Variants in CACNA2D1 observed in about 807,000 individuals in gnomAD.
The protein encoded by CACNA2D1 is calcium voltage-gated channel auxiliary subunit alpha2delta 1.
Under a neutral mutation model 171.5 loss-of-function variants are expected in CACNA2D1, and 53 were observed. That is an observed-to-expected ratio of 0.31 (90% CI 0.25 to 0.39). The LOEUF (loss-of-function observed/expected upper bound fraction) is 0.39, where lower values mean the gene tolerates loss of function less well. Among genes scored for constraint, CACNA2D1 ranks in the 10% least tolerant of loss-of-function variants. The pLI, the probability that CACNA2D1 is intolerant of heterozygous loss-of-function variation, is 1.00. For missense variants in CACNA2D1, 903 were observed against 1,299.8 expected (o/e 0.69, Z 4.69); for synonymous variants, 442 against 443.1 (o/e 1.00, Z 0.03).
intron 24 of CACNA2D1, among the ~76,000 whole-genome samples, chr7:81,978,746 A>T (rs977556010): frequency 1.2e-3 from 64 of 51,374 alleles, no homozygotes; most frequent in African/African-American, 3.0e-3. Context: ...AATTTTTTTT[A>T]AAAAGTGTAT....
In CACNA2D1 at chr7:82,033,963, T is replaced by C. The variant is rs553460231; in HGVS notation, c.1039-1062A>G. ...AAAGAAATATAACATGAGCCTCATA[T>C]GGAACTTTAAATTTTCTAATAACTA... On this transcript the variant is annotated intron_variant, in intron 11 of 38. Transcript: ENST00000356860. Among the ~76,000 whole-genome samples, 4 of 152,212 alleles carry C rather than the reference T, an allele frequency of 2.6e-5. No individual in the cohort carries two copies. In the South Asian group the frequency reaches 8.3e-4, roughly 32 times the overall value.
At chr7:82,090,903 G>A (rs1048698061) in intron 6 of CACNA2D1, among the ~76,000 whole-genome samples, 7 of 151,868 alleles carry the variant, frequency 4.6e-5, no homozygotes, top group Admixed American at 1.3e-4. Context: ...TATAAATAAG[G>A]TAGTCATTTA....
chr7:81,978,787 T>A (rs1326531618), intron 24 of CACNA2D1, among the ~76,000 whole-genome samples: 1 of 132,716 alleles, frequency 7.5e-6, no homozygotes, highest in East Asian at 2.2e-4. Context: ...ACACACACAC[T>A]GTTCAAAACA....
chr7:82,139,038 TC>T (rs1792044219), intron 4 of CACNA2D1, among the ~76,000 whole-genome samples: 1 of 152,126 alleles, frequency 6.6e-6, no homozygotes, highest in Non-Finnish European at 1.5e-5. Context: ...TTCAAGCAGT[TC>T]AACATCGTCA....
At chr7:82,385,571 T>A (rs1485526270) in intron 1 of CACNA2D1, among the ~76,000 whole-genome samples, 2 of 152,182 alleles carry the variant, frequency 1.3e-5, no homozygotes, top group East Asian at 3.9e-4. Context: ...TTTTTGCAAA[T>A]GTATTTTTGG....
At position 81,971,481 on chromosome 7, in the gene CACNA2D1, A is replaced by G. The variant is rs191914250; in HGVS notation, c.2141+296T>C. On this transcript the variant is annotated intron_variant, in intron 26 of 38. Coordinates refer to ENST00000356860, the MANE Select transcript of CACNA2D1 (RefSeq NM_000722.4). ...GTAATGCTATTAGAAACCCAAATAA[A>G]CACTGACTAGAAATCCTACTTTAGC... Among the ~76,000 whole-genome samples the G allele has an allele frequency of 1.6e-4, 24 of 151,758 alleles. No individual in the cohort carries two copies. The East Asian group carries it at 4.7e-3, about 29-fold the overall frequency.
intron 1 of CACNA2D1, among the ~76,000 whole-genome samples, chr7:82,379,558 G>A (rs142998477): frequency 3.5e-4 from 53 of 152,194 alleles, no homozygotes; most frequent in East Asian, 9.7e-4. Context: ...TTAGGAAAAC[G>A]TGGTCTGTGT....
At chr7:82,102,076 G>C (rs532982620) in intron 6 of CACNA2D1, among the ~76,000 whole-genome samples, 4 of 152,124 alleles carry the variant, frequency 2.6e-5, no homozygotes, top group African/African-American at 7.2e-5. Context: ...CCTCCTAAGA[G>C]AGTAAGCTGT....
intron 3 of CACNA2D1, among the ~76,000 whole-genome samples, chr7:82,287,198 C>T (rs1380740886): frequency 4.6e-5 from 7 of 152,102 alleles, no homozygotes; most frequent in Non-Finnish European, 7.4e-5. Context: ...TGCACAGTCC[C>T]TGACATACAA....
intron 9 of CACNA2D1, among the ~76,000 whole-genome samples, chr7:82,063,743 A>C (rs2367904): frequency 1.1e-3 from 173 of 152,262 alleles, no homozygotes; most frequent in African/African-American, 3.8e-3. Context: ...ATTAGAAAAC[A>C]TGTACACTTG....
At chr7:82,027,631 G>A (rs956710943) in intron 12 of CACNA2D1, 1 of 151,646 alleles carries the variant, frequency 6.6e-6, no homozygotes, top group Non-Finnish European at 1.5e-5. Flanking sequence ...ATTTTATCAT[G>A]GTTCTTTGTT....
At chr7:82,206,892 A>G (rs1439820007) in intron 3 of CACNA2D1, among the ~76,000 whole-genome samples, 1 of 152,232 alleles carries the variant, frequency 6.6e-6, no homozygotes, top group African/African-American at 2.4e-5. Context: ...TATTCTTTAG[A>G]GAATAAACAT....
intron 20 of CACNA2D1, among the ~76,000 whole-genome samples, chr7:81,992,641 A>C (rs1797665129): frequency 6.6e-6 from 1 of 152,208 alleles, no homozygotes; most frequent in Non-Finnish European, 1.5e-5. Flanking sequence ...ATAAAAATGT[A>C]AGTTTTTTCA....
At chr7:82,413,619 T>C (rs948659485) in intron 1 of CACNA2D1, among the ~76,000 whole-genome samples, 3 of 152,234 alleles carry the variant, frequency 2.0e-5, no homozygotes, top group Non-Finnish European at 2.9e-5. Flanking sequence ...GAGTCTTAAT[T>C]GCAGTCAAAT....
intron 3 of CACNA2D1, among the ~76,000 whole-genome samples, chr7:82,174,042 C>CAAAAAAAAAAAAA (rs71093365): frequency 2.2e-5 from 1 of 45,644 alleles, no homozygotes; most frequent in Non-Finnish European, 3.9e-5. Context: ...GACCCTGTCT[C>CAAAAAAAAAAAAA]AAAAAAAAAA....
In CACNA2D1 at chr7:81,968,549, T is replaced by A. The variant is rs918500451; in HGVS notation, c.2395+338A>T. On this transcript the variant is annotated intron_variant, in intron 29 of 38. Transcript: ENST00000356860. Reference sequence around the variant, plus strand: ...GTAACTCCTTGGCCATATAACTTTGTACGTATTTTAAAGTATTAAGAGAGA... The same window carrying A: ...GTAACTCCTTGGCCATATAACTTTGAACGTATTTTAAAGTATTAAGAGAGA... Among the ~76,000 whole-genome samples the A allele has an allele frequency of 7.9e-5, 12 of 151,296 alleles. No homozygotes were observed. In the Admixed American group the frequency reaches 7.9e-4, roughly 10 times the overall value.
At chr7:82,066,958 T>G (rs539991329) in intron 7 of CACNA2D1, among the ~76,000 whole-genome samples, 1 of 152,250 alleles carries the variant, frequency 6.6e-6, no homozygotes, top group South Asian at 2.1e-4. Flanking sequence ...TGGGTTTTTA[T>G]GTAATAGCAT....
chr7:81,957,292 ATGTACATGCCAT>A (rs1793515373), intron 38 of CACNA2D1, among the ~76,000 whole-genome samples: 1 of 152,156 alleles, frequency 6.6e-6, no homozygotes, highest in Non-Finnish European at 1.5e-5. Flanking sequence ...AGGATTAGAA[ATGTACATGCCAT>A]TTGAAATCAG....
At chr7:82,181,924 C>G (rs1400557014) in intron 3 of CACNA2D1, among the ~76,000 whole-genome samples, 1 of 152,108 alleles carries the variant, frequency 6.6e-6, no homozygotes, top group African/African-American at 2.4e-5. Flanking sequence ...TTATTACAAT[C>G]AAATGTATAT....
Sources: allele counts gnomAD v4.1 joint callset (sites outside exome capture counted in the v4.1 genomes callset), GRCh38; gene constraint gnomAD v4.1.1; transcripts MANE v1.5; gene names NCBI Gene and HGNC (gene_info 2026-07-23, HGNC 2026-07-21).